MIX23: variants seen among roughly 807,000 people sequenced by gnomAD.
MIX23 encodes mitochondrial matrix import factor 23, also known as protein MIX23.
Under a neutral mutation model 21.6 loss-of-function variants are expected in MIX23, and 13 were observed. That is an observed-to-expected ratio of 0.60 (90% CI 0.39 to 0.96). The LOEUF is 0.96. Among genes scored for constraint, MIX23 ranks in the 40% least tolerant of loss-of-function variants. The pLI, the probability that MIX23 is intolerant of heterozygous loss-of-function variation, is 0.00. For missense variants in MIX23, 144 were observed against 171.2 expected, an observed-to-expected ratio of 0.84 and a Z score of 0.89; for synonymous variants, 59 against 58.0, an observed-to-expected ratio of 1.02 and a Z score of -0.08.
At chr3:122,361,649 T>C (rs1362516855) in intron 4 of MIX23, among the ~76,000 whole-genome samples, 1 of 152,210 alleles carries the variant, frequency 6.6e-6, no homozygotes, top group Non-Finnish European at 1.5e-5. Context: ...CACTTGTTTT[T>C]TCAAGCCAGA....
chr3:122,376,343 G>A (rs2075487033), intron 1 of MIX23, among the ~76,000 whole-genome samples: 1 of 151,940 alleles, frequency 6.6e-6, no homozygotes. Flanking sequence ...AATCATCCAG[G>A]CATGGTGGCT....
In MIX23 at chr3:122,374,394, A is replaced by T. The variant is rs551530228; in HGVS notation, c.52-2594T>A. Reference sequence around the variant, plus strand: ...GTCCTCCTATGGTTAACAAAATCCAAGGATGCTCAAGTCCCTGATATAAAA... The same window carrying T: ...GTCCTCCTATGGTTAACAAAATCCATGGATGCTCAAGTCCCTGATATAAAA... On this transcript the variant is annotated intron_variant, in intron 1 of 4. Transcript: ENST00000291458. Among the ~76,000 whole-genome samples, 18 of 152,342 alleles carry T rather than the reference A, an allele frequency of 1.2e-4. No homozygotes were observed. The East Asian group carries it at 3.3e-3, about 28-fold the overall frequency.
chr3:122,359,994 G>C, intron 4 of MIX23, 75 bp from the exon 5 acceptor site: 1 of 1,384,870 alleles, frequency 7.2e-7, no homozygotes, highest in Non-Finnish European at 1.0e-6. Context: ...ATTCAATTTA[G>C]TAGGCTCCAA....
chr3:122,370,122 T>G (rs1315535132), intron 2 of MIX23, among the ~76,000 whole-genome samples: 1 of 152,050 alleles, frequency 6.6e-6, no homozygotes, highest in African/African-American at 2.4e-5. Context: ...CTCTATGAAC[T>G]AGGTACCATT....
At chr3:122,369,999 C>T (rs1313471248) in intron 2 of MIX23, among the ~76,000 whole-genome samples, 1 of 152,202 alleles carries the variant, frequency 6.6e-6, no homozygotes, top group Non-Finnish European at 1.5e-5. Flanking sequence ...ATCCTCTCAC[C>T]TCAGCCTCCC....
At chr3:122,375,176 G>A (rs965949204) in intron 1 of MIX23, among the ~76,000 whole-genome samples, 1 of 152,156 alleles carries the variant, frequency 6.6e-6, no homozygotes, top group African/African-American at 2.4e-5. Flanking sequence ...GTAGAATTAA[G>A]GAGAGGTAGT....
intron 1 of MIX23, 135 bp downstream of exon 1, chr3:122,383,039 C>T: frequency 1.7e-6 from 2 of 1,189,208 alleles, no homozygotes; most frequent in South Asian, 1.2e-5. Flanking sequence ...CCCCCCATGA[C>T]CTCCAATGGC....
intron 4 of MIX23, 102 bp from the exon 5 acceptor site, chr3:122,360,021 T>C: frequency 2.6e-6 from 3 of 1,145,138 alleles, no homozygotes. Flanking sequence ...ATTACCATTT[T>C]TGTCCTAAGT....
chr3:122,377,536 G>A (rs956525062), intron 1 of MIX23, among the ~76,000 whole-genome samples: 1 of 152,206 alleles, frequency 6.6e-6, no homozygotes, highest in Admixed American at 6.5e-5. Flanking sequence ...GGTCATTTGT[G>A]TTGAATGTTA....
chr3:122,375,133 A>AAAAC (rs1370757333), intron 1 of MIX23, among the ~76,000 whole-genome samples: 1 of 152,208 alleles, frequency 6.6e-6, no homozygotes, highest in South Asian at 2.1e-4. Context: ...GACTCTGTCT[A>AAAAC]AAACAAACAA....
chr3:122,379,717 C>T (rs1013684770), intron 1 of MIX23, among the ~76,000 whole-genome samples: 3 of 152,198 alleles, frequency 2.0e-5, no homozygotes, highest in African/African-American at 7.2e-5. Flanking sequence ...ACACACAGTT[C>T]AATGGTTCTC....
chr3:122,371,353 CTT>C (rs1472649118), intron 2 of MIX23, among the ~76,000 whole-genome samples: 19 of 152,252 alleles, frequency 1.2e-4, no homozygotes, highest in Admixed American at 1.1e-3. Flanking sequence ...ATTCCTTGCT[CTT>C]GTTACTGTTT....
intron 3 of MIX23, 103 bp from the exon 4 acceptor site, chr3:122,363,130 C>T (rs1392804349): frequency 2.3e-6 from 2 of 878,560 alleles, no homozygotes; most frequent in Non-Finnish European, 3.5e-6. Flanking sequence ...GTTTACCCAA[C>T]AAAACCTGCT....
At chr3:122,381,351 G>A (rs1337009495) in intron 1 of MIX23, among the ~76,000 whole-genome samples, 1 of 152,132 alleles carries the variant, frequency 6.6e-6, no homozygotes, top group Non-Finnish European at 1.5e-5. Context: ...CTGGAGATAG[G>A]GCCTTGAGGT....
chr3:122,365,491 A>C (rs1304176141), intron 3 of MIX23: 4 of 152,130 alleles, frequency 2.6e-5, no homozygotes, highest in Non-Finnish European at 5.9e-5. Flanking sequence ...AAAAAAATTC[A>C]CATTTCCTTA....
chr3:122,373,572 C>A (rs1462494713), intron 1 of MIX23, among the ~76,000 whole-genome samples: 1 of 152,210 alleles, frequency 6.6e-6, no homozygotes, highest in Non-Finnish European at 1.5e-5. Context: ...CCGCACCCAG[C>A]CCTGAAGATA....
intron 1 of MIX23, among the ~76,000 whole-genome samples, chr3:122,375,913 C>T (rs1215014925): frequency 6.6e-6 from 1 of 151,982 alleles, no homozygotes; most frequent in African/African-American, 2.4e-5. Context: ...GTGGCTCACG[C>T]CTGACTTTGG....
Position 122,362,968 on chromosome 3 carries a change from C to T in MIX23, c.384G>A (p.Lys128=). 1 of 1,612,382 alleles carries T rather than the reference C, an allele frequency of 6.2e-7. No individual in the cohort carries two copies. The change falls in exon 4 of 5, where the codon AAG becomes AAA. Residue 128 remains lysine, a splice_region_variant and synonymous_variant. Coordinates refer to ENST00000291458, the MANE Select transcript of MIX23 (RefSeq NM_001017928.4). ...TCCAAACACCAACATTATTTTATAC[C>T]TTCCAGCTCCTGTCATTTACCACTT... is the stretch of plus-strand genomic sequence containing the variant. ...VEEVVNDRSW[K]VFNERCRIHF...
intron 2 of MIX23, among the ~76,000 whole-genome samples, chr3:122,368,784 T>C (rs760472238): frequency 1.3e-5 from 2 of 152,254 alleles, no homozygotes; most frequent in Non-Finnish European, 2.9e-5. Context: ...AAAGAAATTA[T>C]AAACTAAGTC....
Sources: gnomAD v4.1 joint callset for allele counts (sites outside exome capture counted in the v4.1 genomes callset) on GRCh38, gnomAD v4.1.1 for gene constraint, MANE v1.5 for transcripts, NCBI Gene and HGNC (gene_info 2026-07-23, HGNC 2026-07-21) for gene names.